Variants in HAUS6 observed in about 807,000 individuals in gnomAD.
HAUS6 encodes HAUS augmin-like complex subunit 6.
In HAUS6, 80 loss-of-function variants were observed where a neutral mutation model predicts 106.8. The ratio of observed to expected loss-of-function variants is 0.75; its 90% CI spans 0.63 to 0.90. The LOEUF is 0.90. HAUS6 is among the 40% of genes least tolerant of loss of function. The pLI is 0.00. For synonymous variants in HAUS6, 356 were observed against 379.1 expected (o/e 0.94, Z 0.71); for missense variants, 1,155 against 1,118.1 (o/e 1.03, Z -0.47).
In HAUS6 at chr9:19,058,530, G is replaced by A. The variant is rs1186173099; in HGVS notation, c.2237C>T (p.Pro746Leu). 3 of 1,579,824 alleles carry A rather than the reference G, an allele frequency of 1.9e-6. No individual in the cohort carries two copies. In the South Asian group the frequency reaches 3.4e-5, roughly 18 times the overall value. ...CCACAACATAGTTTTATTTGTGGAA[G>A]GTTTGTTACAAGAAACTTCTAAGTG... is the stretch of plus-strand genomic sequence containing the variant. The part of the protein sequence containing the change: ...LDHLEVSCNK[P>L]STNKTMLWNS... The change falls in exon 16 of 17, where the codon CCT (proline) becomes CTT (leucine). Residue 746 changes from proline (P) to leucine (L), a missense_variant. Physicochemically the swap from Pro to Leu is moderately conservative, Grantham distance 98. This residue lies in a region of HAUS6 where 380 missense variants were observed against 394.8 expected (regional missense o/e 0.96). Transcript: ENST00000380502.
At chr9:19,079,113 G>A (rs1204180664) in intron 9 of HAUS6, among the ~76,000 whole-genome samples, 5 of 145,340 alleles carry the variant, frequency 3.4e-5, no homozygotes, top group African/African-American at 7.6e-5. Flanking sequence ...GCAGAAAGCC[G>A]AGATTGCGCT....
intron 5 of HAUS6, among the ~76,000 whole-genome samples, chr9:19,088,421 A>AC (rs888555998): frequency 1.2e-4 from 18 of 152,208 alleles, no homozygotes; most frequent in Non-Finnish European, 2.2e-4. Context: ...GTCTCAAAAA[A>AC]AAAAAAAAAT....
intron 1 of HAUS6, among the ~76,000 whole-genome samples, chr9:19,098,731 A>AG (rs1211197749): frequency 4.0e-5 from 6 of 151,278 alleles, no homozygotes; most frequent in African/African-American, 1.5e-4. Flanking sequence ...TTAACATTTA[A>AG]AAAAAGTGGA....
intron 7 of HAUS6, among the ~76,000 whole-genome samples, chr9:19,086,188 G>T (rs537561745): frequency 6.6e-6 from 1 of 152,076 alleles, no homozygotes; most frequent in Non-Finnish European, 1.5e-5. Flanking sequence ...GCACACACCT[G>T]TAATCCCACC....
At position 19,063,007 on chromosome 9, in the gene HAUS6, C is replaced by T. The variant is rs767775892; in HGVS notation, c.1629+1G>A. On this transcript the variant is annotated splice_donor_variant, in intron 14 of 16. Coordinates refer to ENST00000380502, the MANE Select transcript of HAUS6 (RefSeq NM_017645.5). LOFTEE classifies it high-confidence loss of function. ...GTATACTCATTACAGTCTTTTCTCA[C>T]CTCTTCTACCAGATGATCTTGCTCT... is the stretch of plus-strand genomic sequence containing the variant. The T allele has an allele frequency of 1.6e-5, 25 of 1,605,528 alleles. No homozygotes were observed. Among genetic ancestry groups the T allele is most frequent in the Non-Finnish European group, 2.0e-5 (23 of 1,174,564 alleles).
At chr9:19,101,289 G>A (rs1308296119) in intron 1 of HAUS6, among the ~76,000 whole-genome samples, 1 of 152,182 alleles carries the variant, frequency 6.6e-6, no homozygotes, top group East Asian at 1.9e-4. Context: ...GAGTGGCCAA[G>A]GCGGGGGGAT....
intron 11 of HAUS6, among the ~76,000 whole-genome samples, chr9:19,076,341 G>A (rs1837003835): frequency 6.6e-6 from 1 of 151,956 alleles, no homozygotes; most frequent in South Asian, 2.1e-4. Flanking sequence ...GCAACAAAGT[G>A]AGACCCTGTC....
intron 1 of HAUS6, among the ~76,000 whole-genome samples, chr9:19,098,658 T>C (rs1817914749): frequency 6.6e-6 from 1 of 152,138 alleles, no homozygotes; most frequent in South Asian, 2.1e-4. Flanking sequence ...CCATATGATT[T>C]TTCCAAACTG....
rs1836399925 is a variant in HAUS6, at chr9:19,053,430, G to T, written c.*2913C>A. 3.3e-5 allele frequency: 5 copies of T among 152,048 alleles called. No homozygotes were observed. In the South Asian group the frequency reaches 1.0e-3, roughly 32 times the overall value. 9.4% of individuals were successfully genotyped at this position (152,048 alleles called of 1,614,324 possible). ...CTCCAGAATTCCTGTTTTTCCTTTA[G>T]ATAAATTTGACTTCATAGTCAAGAG... On this transcript the variant is annotated 3_prime_UTR_variant, in exon 17 of 17. Transcript: ENST00000380502.
chr9:19,070,279 T>C lies in HAUS6; in HGVS notation c.1316A>G (p.Gln439Arg). 6.3e-7 allele frequency: 1 copy of C among 1,595,048 alleles called. No individual in the cohort carries two copies. The highest frequency in any genetic ancestry group is 1.1e-5 in the South Asian group (1 of 90,556). ...ACTGTCTCCTCTGCAACCATTTTCT[T>C]GGTTATGTTGCTTATGTGCATCTAA... ...SLPDAHKQHN[Q>R]ENGCRGDSDT... The change falls in exon 12 of 17, where the codon CAA (glutamine) becomes CGA (arginine). Residue 439 changes from glutamine (Q) to arginine (R), a missense_variant. By Grantham distance (43) the Gln-to-Arg change is conservative. Around this residue, in one of 3 missense-constraint regions of HAUS6, gnomAD observed 761 missense variants for 690.0 expected, o/e 1.10. Transcript: ENST00000380502.
At chr9:19,093,085 C>G (rs1817789466) in intron 4 of HAUS6, 86 bp downstream of exon 4, 12 of 962,124 alleles carry the variant, frequency 1.2e-5, no homozygotes, top group Non-Finnish European at 1.8e-5. Context: ...CTTGATTTTA[C>G]TAAGATCTCT....
chr9:19,078,845 T>TAA (rs34221496), intron 9 of HAUS6, among the ~76,000 whole-genome samples: 3 of 134,836 alleles, frequency 2.2e-5, no homozygotes, highest in Non-Finnish European at 4.8e-5. Context: ...AAAATTAGTT[T>TAA]AAAAAAAAAA....
chr9:19,093,929 C>T (rs1371673679), intron 3 of HAUS6, among the ~76,000 whole-genome samples: 2 of 152,182 alleles, frequency 1.3e-5, no homozygotes, highest in African/African-American at 2.4e-5. Context: ...TTTTAAACCA[C>T]AAGTTACATG....
Position 19,057,860 on chromosome 9 carries a change from T to G in HAUS6, c.2806+101A>C, listed in dbSNP as rs923852835. ...CCTAAATGAAGGAAGGGGGAGCACATTAACAATAAAGGTCATGCAGCATTC... is the reference window on the plus strand; with the variant it reads ...CCTAAATGAAGGAAGGGGGAGCACAGTAACAATAAAGGTCATGCAGCATTC... On this transcript the variant is annotated intron_variant, in intron 16 of 16. Coordinates refer to ENST00000380502, the MANE Select transcript of HAUS6 (RefSeq NM_017645.5). The G allele has an allele frequency of 1.7e-5, 11 of 662,556 alleles. No homozygotes were observed. The African/African-American group carries it at 2.0e-4, about 12-fold the overall frequency. 41.0% of individuals were successfully genotyped at this position (662,556 alleles called of 1,614,324 possible). A position where few individuals can be genotyped will look rare whatever the true frequency, so the allele number is the denominator to read the frequency against.
Position 19,080,536 on chromosome 9 carries a change from T to A in HAUS6, c.1007A>T (p.Tyr336Phe), listed in dbSNP as rs150224152. 1.2e-6 allele frequency: 2 copies of A among 1,609,000 alleles called. No homozygotes were observed. Among genetic ancestry groups the A allele is most frequent in the African/African-American group, 2.7e-5 (2 of 74,930 alleles). The part of the protein sequence containing the change: ...DQARLTVDLH[Y>F]LEKETKFQKE... Reference sequence around the variant, plus strand: ...CTGAAATTTGGTCTCTTTTTCAAGGTAGTGAAGGTCTACCGTCAATCTTGC... The same window carrying A: ...CTGAAATTTGGTCTCTTTTTCAAGGAAGTGAAGGTCTACCGTCAATCTTGC... Residue 336 changes from tyrosine to phenylalanine, a missense_variant, in exon 9 of 17, where the codon TAC becomes TTC. Physicochemically the swap from Tyr to Phe is conservative, Grantham distance 22. Coordinates refer to ENST00000380502, the MANE Select transcript of HAUS6 (RefSeq NM_017645.5).
At chr9:19,086,267 C>T (rs776568689) in intron 7 of HAUS6, among the ~76,000 whole-genome samples, 2 of 150,272 alleles carry the variant, frequency 1.3e-5, no homozygotes, top group African/African-American at 4.9e-5. Flanking sequence ...GCTGAGACCA[C>T]GCCACTGCAC....
intron 13 of HAUS6, 71 bp from the exon 14 acceptor site, chr9:19,063,264 AGTTCACTG>A (rs1836671370): frequency 2.1e-6 from 2 of 973,778 alleles, no homozygotes; most frequent in Non-Finnish European, 3.1e-6. Flanking sequence ...CTTCATTAGC[AGTTCACTG>A]GTTATCATGA....
intron 12 of HAUS6, among the ~76,000 whole-genome samples, chr9:19,069,818 A>C (rs187131693): frequency 5.3e-5 from 8 of 151,924 alleles, no homozygotes; most frequent in South Asian, 4.2e-4. Flanking sequence ...AATTTGGGTC[A>C]GGCACAGGAG....
At chr9:19,060,514 A>G (rs1351703511) in intron 14 of HAUS6, among the ~76,000 whole-genome samples, 1 of 152,260 alleles carries the variant, frequency 6.6e-6, no homozygotes, top group African/African-American at 2.4e-5. Context: ...AGGCAGTTCC[A>G]GTTGTGCAGT....
Sources: allele counts gnomAD v4.1 joint callset (sites outside exome capture counted in the v4.1 genomes callset), GRCh38; gene constraint gnomAD v4.1.1; regional missense constraint gnomAD v4.1.1; transcripts MANE v1.5; gene names NCBI Gene and HGNC (gene_info 2026-07-23, HGNC 2026-07-21).